Variants in SYT16 observed in about 807,000 individuals in gnomAD.
SYT16 encodes synaptotagmin 16.
In SYT16, 42 loss-of-function variants were observed where a neutral mutation model predicts 61.4. The observed-to-expected ratio is 0.68, with a 90% CI of 0.53 to 0.89. The LOEUF is 0.89. Among genes scored for constraint, SYT16 ranks in the 40% least tolerant of loss-of-function variants. SYT16 has a pLI of 0.00. For synonymous variants in SYT16, 314 were observed against 302.3 expected, an observed-to-expected ratio of 1.04 and a Z score of -0.40; for missense variants, 804 against 807.3, an observed-to-expected ratio of 1.00 and a Z score of 0.05.
At position 62,103,032 on chromosome 14, in the gene SYT16, T is replaced by A. The variant is rs962131757; in HGVS notation, c.*2325T>A. 1.3e-5 allele frequency: 2 copies of A among 152,226 alleles called. No individual in the cohort carries two copies. Among genetic ancestry groups the A allele is most frequent in the African/African-American group, 4.8e-5 (2 of 41,464 alleles). The allele number at this position is 152,226 out of a possible 1,614,324, so 9.4% of individuals were successfully genotyped here. On this transcript the variant is annotated 3_prime_UTR_variant, in exon 8 of 8. Coordinates refer to ENST00000683842, the MANE Select transcript of SYT16 (RefSeq NM_001367656.1). ...GGTGCTACTCACCAAATAGGATGCA[T>A]GTACATCTTGAATATACAGCAACAT...
intron 1 of SYT16, among the ~76,000 whole-genome samples, chr14:61,828,275 AC>A (rs775153363): frequency 3.3e-4 from 50 of 152,346 alleles, no homozygotes; most frequent in Non-Finnish European, 4.9e-4. Context: ...GAATACACAT[AC>A]TTTTTGCCTT....
rs538192014 is a variant in SYT16 at position 61,962,829 on chromosome 14, G to A, written c.-324-7303G>A. Among the ~76,000 whole-genome samples, 4 of 152,090 alleles carry A rather than the reference G, an allele frequency of 2.6e-5. No individual in the cohort carries two copies. In the South Asian group the frequency reaches 8.3e-4, roughly 32 times the overall value. Reference sequence around the variant, plus strand: ...CATTGTATCTTCAATTCTAGTATTTGTGTTTGGTTCTTTATTTCTTCTGGC... The same window carrying A: ...CATTGTATCTTCAATTCTAGTATTTATGTTTGGTTCTTTATTTCTTCTGGC... On this transcript the variant is annotated intron_variant, in intron 1 of 7. Transcript: ENST00000683842.
intron 7 of SYT16, among the ~76,000 whole-genome samples, chr14:62,099,264 T>C (rs2057357621): frequency 6.6e-6 from 1 of 152,060 alleles, no homozygotes; most frequent in Non-Finnish European, 1.5e-5. Flanking sequence ...CGTGAGGTAA[T>C]AAAGGTGAGA....
At chr14:61,860,127 G>A (rs1420538928) in intron 1 of SYT16, among the ~76,000 whole-genome samples, 1 of 152,088 alleles carries the variant, frequency 6.6e-6, no homozygotes, top group Admixed American at 6.5e-5. Context: ...ACAATCTTTG[G>A]AAAAAGTCAC....
intron 1 of SYT16, among the ~76,000 whole-genome samples, chr14:61,813,180 T>C (rs1295910626): frequency 6.6e-6 from 1 of 152,250 alleles, no homozygotes; most frequent in Non-Finnish European, 1.5e-5. Context: ...AAGGTTCGCC[T>C]CGAGTTCTGG....
At chr14:61,906,796 TCC>T in intron 1 of SYT16, among the ~76,000 whole-genome samples, 1 of 140,570 alleles carries the variant, frequency 7.1e-6, no homozygotes, top group Non-Finnish European at 1.7e-5. Context: ...CGTCCATCCA[TCC>T]ATCCATCCAT....
chr14:61,979,508 A>T (rs2051966226), intron 2 of SYT16, among the ~76,000 whole-genome samples: 1 of 152,224 alleles, frequency 6.6e-6, no homozygotes, highest in South Asian at 2.1e-4. Context: ...TGGCCTACTC[A>T]GATGAATCTT....
intron 1 of SYT16, among the ~76,000 whole-genome samples, chr14:61,917,225 T>C (rs2049154383): frequency 6.6e-6 from 1 of 152,184 alleles, no homozygotes. Flanking sequence ...GAGAGTCCCA[T>C]CCTTGCATGG....
chr14:62,018,958 T>A (rs1453466812), intron 3 of SYT16, among the ~76,000 whole-genome samples: 15 of 152,350 alleles, frequency 9.8e-5, no homozygotes, highest in Admixed American at 8.5e-4. Flanking sequence ...TGGTAACAAA[T>A]CTTTGTTGAA....
chr14:61,903,996 A>G (rs1026427563), intron 1 of SYT16, among the ~76,000 whole-genome samples: 1 of 152,102 alleles, frequency 6.6e-6, no homozygotes, highest in Non-Finnish European at 1.5e-5. Context: ...TTCCTGAGAG[A>G]AGTTGGCCCT....
At chr14:62,009,892 C>T (rs1322944693) in intron 3 of SYT16, among the ~76,000 whole-genome samples, 1 of 152,162 alleles carries the variant, frequency 6.6e-6, no homozygotes, top group Non-Finnish European at 1.5e-5. Context: ...TCTGATATTT[C>T]TGATAATTTG....
At chr14:61,971,510 C>G (rs899816593) in intron 2 of SYT16, among the ~76,000 whole-genome samples, 1 of 152,200 alleles carries the variant, frequency 6.6e-6, no homozygotes, top group African/African-American at 2.4e-5. Context: ...CTGGCTTTCC[C>G]TGGAGTGAGA....
chr14:61,872,985 G>A (rs902757835), intron 1 of SYT16, among the ~76,000 whole-genome samples: 1 of 152,102 alleles, frequency 6.6e-6, no homozygotes, highest in Non-Finnish European at 1.5e-5. Context: ...TTAAAACGTT[G>A]TATTCATAGG....
chr14:62,083,074 C>T (rs949341013), intron 6 of SYT16, among the ~76,000 whole-genome samples: 8 of 152,130 alleles, frequency 5.3e-5, no homozygotes, highest in South Asian at 2.1e-4. Context: ...ATCTTCTAGA[C>T]AGCAGGGTCT....
intron 2 of SYT16, among the ~76,000 whole-genome samples, chr14:61,971,527 T>C (rs1330251547): frequency 2.0e-5 from 3 of 152,172 alleles, no homozygotes; most frequent in Admixed American, 2.0e-4. Flanking sequence ...GAGAGATCCA[T>C]GAGAAAGCAA....
intron 1 of SYT16, among the ~76,000 whole-genome samples, chr14:61,926,258 G>GTTAC (rs56347836): frequency 6.6e-6 from 1 of 151,386 alleles, no homozygotes; most frequent in South Asian, 2.1e-4. Context: ...AAGAGTCAAA[G>GTTAC]AGTATGTGTT....
chr14:61,935,987 C>T (rs749254716), intron 1 of SYT16, among the ~76,000 whole-genome samples: 47 of 152,126 alleles, frequency 3.1e-4, no homozygotes, highest in Admixed American at 7.2e-4. Flanking sequence ...TTGTGTCTAA[C>T]TATATTGCTT....
chr14:61,844,453 A>AT (rs1346876121), intron 1 of SYT16, among the ~76,000 whole-genome samples: 3 of 152,082 alleles, frequency 2.0e-5, no homozygotes, highest in African/African-American at 7.2e-5. Context: ...GGGCATTCTC[A>AT]TTGTGTTCCA....
chr14:61,815,558 T>G (rs545585845), intron 1 of SYT16, among the ~76,000 whole-genome samples: 24 of 152,302 alleles, frequency 1.6e-4, no homozygotes, highest in African/African-American at 5.8e-4. Flanking sequence ...ATTTTTAAAA[T>G]ATTTGCCTGG....
Sources: allele counts gnomAD v4.1 joint callset (sites outside exome capture counted in the v4.1 genomes callset), GRCh38; gene constraint gnomAD v4.1.1; transcripts MANE v1.5; gene names NCBI Gene and HGNC (gene_info 2026-07-23, HGNC 2026-07-21).